The following ECHDC1 variants were observed in gnomAD, a reference collection of about 807,000 sequenced individuals.
The protein encoded by ECHDC1 is ethylmalonyl-CoA decarboxylase.
ECHDC1 carries 29 observed loss-of-function variants against 29.7 expected under a neutral mutation model. The observed-to-expected ratio is 0.98, with a 90% confidence interval of 0.73 to 1.33. The LOEUF (loss-of-function observed/expected upper bound fraction) is 1.33, where lower values mean the gene tolerates loss of function less well. ECHDC1 is among the 40% of genes most tolerant of loss of function. ECHDC1 has a pLI of 0.00. For synonymous variants in ECHDC1, 126 were observed against 123.1 expected (o/e 1.02, Z -0.15); for missense variants, 328 against 350.0 (o/e 0.94, Z 0.50).
At position 127,291,275 on chromosome 6, in the gene ECHDC1, CCT is replaced by C. The variant is rs1491341762; in HGVS notation, c.498-1000_498-999del. 4.4e-5 allele frequency among the ~76,000 whole-genome samples: 4 copies of C among 91,670 alleles called. No individual in the cohort carries two copies. In the East Asian group the frequency reaches 1.0e-3, roughly 24 times the overall value. 60.1% of individuals were successfully genotyped at this position (91,670 alleles called of 152,430 possible). On this transcript the variant is annotated intron_variant, in intron 5 of 5. Transcript: ENST00000454859. The stretch of plus-strand genomic sequence containing the variant: ...TATTTAGCATTTCAAAGCTCTTATA[CCT>C]TTTTTTTTTTTTTTTTTTAAGGAAC...
At chr6:127,326,813 A>T in intron 3 of ECHDC1, 189 bp downstream of exon 3, 2 of 570,460 alleles carry the variant, frequency 3.5e-6, no homozygotes, top group Non-Finnish European at 5.9e-6. Flanking sequence ...CTACTAGTAA[A>T]ACCTCAGAAT....
chr6:127,312,109 G>A (rs1781992981), intron 5 of ECHDC1, among the ~76,000 whole-genome samples: 1 of 151,846 alleles, frequency 6.6e-6, no homozygotes, highest in African/African-American at 2.4e-5. Context: ...CTAAGGCTGT[G>A]AATAATAGTA....
At chr6:127,338,939 T>C (rs1784673242) in intron 1 of ECHDC1, among the ~76,000 whole-genome samples, 1 of 152,176 alleles carries the variant, frequency 6.6e-6, no homozygotes, top group African/African-American at 2.4e-5. Context: ...ATTTCTTTTG[T>C]TGTTGTTCTT....
chr6:127,315,513 T>G (rs1481461708), intron 4 of ECHDC1: 1 of 222,142 alleles, frequency 4.5e-6, no homozygotes, highest in African/African-American at 2.3e-5. Context: ...GGTGTGTGAA[T>G]ACAAGGTAAA....
chr6:127,313,547 G>A, intron 5 of ECHDC1: 1 of 455,272 alleles, frequency 2.2e-6, no homozygotes, highest in Non-Finnish European at 4.4e-6. Context: ...AATATGTAGA[G>A]CACTACATGC....
intron 5 of ECHDC1, among the ~76,000 whole-genome samples, chr6:127,311,335 A>G (rs1781881724): frequency 6.6e-6 from 1 of 152,182 alleles, no homozygotes; most frequent in South Asian, 2.1e-4. Flanking sequence ...AGCCAAGTTA[A>G]AAATGAAAGG....
chr6:127,290,586 G>C (rs977710185), intron 5 of ECHDC1, among the ~76,000 whole-genome samples: 2 of 152,072 alleles, frequency 1.3e-5, no homozygotes, highest in Non-Finnish European at 2.9e-5. Flanking sequence ...TGGATCAAGT[G>C]AAAGTATGGG....
rs1562342257 is a variant in ECHDC1 at position 127,343,411 on chromosome 6, G to C, written c.-78C>G. The C allele has an allele frequency of 6.6e-6, 1 of 152,158 alleles. No homozygotes were observed. The highest frequency in any genetic ancestry group is 1.5e-5 in the Non-Finnish European group (1 of 68,316). The allele number at this position is 152,158 out of a possible 1,614,324, so 9.4% of individuals were successfully genotyped here. A position where few individuals can be genotyped will look rare whatever the true frequency, so the allele number is the denominator to read the frequency against. ...TTCCGTTTTGCGTGCCTTTGTTTCC[G>C]CTCCCCCCGGGACCATCGTGCGCCC... On this transcript the variant is annotated 5_prime_UTR_variant, in exon 1 of 6. Coordinates refer to ENST00000454859, the MANE Select transcript of ECHDC1 (RefSeq NM_001002030.2).
At chr6:127,316,303 C>T (rs1456254975) in intron 4 of ECHDC1, 147 bp downstream of exon 4, 1 of 614,758 alleles carries the variant, frequency 1.6e-6, no homozygotes, top group Non-Finnish European at 2.8e-6. Context: ...AAATGATTAT[C>T]CTCTACGGCA....
chr6:127,328,634 T>C (rs191229632), intron 2 of ECHDC1, among the ~76,000 whole-genome samples: 143 of 152,346 alleles, frequency 9.4e-4, no homozygotes, highest in African/African-American at 3.3e-3. Context: ...TTTCAAGTGA[T>C]ATATAGTCTA....
chr6:127,316,359 C>T, intron 4 of ECHDC1, 91 bp downstream of exon 4: 1 of 1,059,790 alleles, frequency 9.4e-7, no homozygotes, highest in South Asian at 1.4e-5. Flanking sequence ...TGAAAATTAG[C>T]TATTATTTCT....
At chr6:127,307,513 C>T (rs1463793597) in intron 5 of ECHDC1, among the ~76,000 whole-genome samples, 4 of 151,626 alleles carry the variant, frequency 2.6e-5, no homozygotes, top group African/African-American at 9.7e-5. Context: ...CCTGTAATCC[C>T]AGCTACTCAG....
rs1020088615 is a variant in ECHDC1, at chr6:127,314,481, T to G, written c.497+335A>C. 4.6e-5 allele frequency among the ~76,000 whole-genome samples: 7 copies of G among 152,246 alleles called. No individual in the cohort carries two copies. In the South Asian group the frequency reaches 1.2e-3, roughly 27 times the overall value. On this transcript the variant is annotated intron_variant, in intron 5 of 5. Transcript: ENST00000454859. Reference sequence around the variant, plus strand: ...TGCATTCTATTTTTCTTTTTTAATGTTGCTTACCTTTGTTTGTATAATTCT... The same window carrying G: ...TGCATTCTATTTTTCTTTTTTAATGGTGCTTACCTTTGTTTGTATAATTCT...
Position 127,295,393 on chromosome 6 carries a change from G to C in ECHDC1, c.498-5116C>G, listed in dbSNP as rs566444413. ...AGATAGGCAGGCTCTAAATTGGATA[G>C]TTGAGAATTTTATTTCACTAGGGAG... On this transcript the variant is annotated intron_variant, in intron 5 of 5. Coordinates refer to ENST00000454859, the MANE Select transcript of ECHDC1 (RefSeq NM_001002030.2). Among the ~76,000 whole-genome samples, 9 of 152,258 alleles carry C rather than the reference G, an allele frequency of 5.9e-5. No individual in the cohort carries two copies. The South Asian group carries it at 1.9e-3, about 32-fold the overall frequency.
At chr6:127,326,273 G>A (rs906647930) in intron 3 of ECHDC1, among the ~76,000 whole-genome samples, 1 of 152,106 alleles carries the variant, frequency 6.6e-6, no homozygotes. Context: ...ACTTCTCCCC[G>A]CCCTCTGGCT....
rs9491734 is a variant in ECHDC1 at position 127,332,087 on chromosome 6, A to G, written c.-2-1057T>C. 4.8e-3 allele frequency among the ~76,000 whole-genome samples: 726 copies of G among 152,336 alleles called. 10 individuals carry two copies. Among genetic ancestry groups the G allele is most frequent in the African/African-American group, 0.017 (691 of 41,572 alleles). ...CAATGAATTTTCACAAGGTGAATAC[A>G]TTCTAGTAAATGGAACCCAAATCAA... On this transcript the variant is annotated intron_variant, in intron 1 of 5. Coordinates refer to ENST00000454859, the MANE Select transcript of ECHDC1 (RefSeq NM_001002030.2).
At chr6:127,325,668 CCT>C (rs1783259265) in intron 3 of ECHDC1, among the ~76,000 whole-genome samples, 1 of 151,644 alleles carries the variant, frequency 6.6e-6, no homozygotes. Context: ...CCACCAAGCC[CCT>C]GATAATCACC....
chr6:127,316,343 G>T, intron 4 of ECHDC1, 107 bp downstream of exon 4: 1 of 914,628 alleles, frequency 1.1e-6, no homozygotes, highest in Non-Finnish European at 1.7e-6. Flanking sequence ...TAGAATAGAT[G>T]TAATTTGAAA....
At chr6:127,319,509 T>A (rs1782668188) in intron 3 of ECHDC1, among the ~76,000 whole-genome samples, 1 of 152,214 alleles carries the variant, frequency 6.6e-6, no homozygotes, top group Non-Finnish European at 1.5e-5. Flanking sequence ...TAAGCAGTAA[T>A]GGCCAACATG....
Sources: allele counts gnomAD v4.1 joint callset (sites outside exome capture counted in the v4.1 genomes callset), GRCh38; gene constraint gnomAD v4.1.1; transcripts MANE v1.5; gene names NCBI Gene and HGNC (gene_info 2026-07-23, HGNC 2026-07-21).